The following THSD7B variants were observed in gnomAD, a reference collection of about 807,000 sequenced individuals.
THSD7B encodes the protein thrombospondin type 1 domain containing 7B.
A neutral mutation model predicts 213.6 loss-of-function variants in THSD7B; 138 were observed. That is an observed-to-expected ratio of 0.65 (90% confidence interval 0.56 to 0.74). The LOEUF is 0.74. THSD7B is among the 30% of genes least tolerant of loss of function. The pLI, the probability that THSD7B is intolerant of heterozygous loss-of-function variation, is 0.00. For missense variants in THSD7B, 1,931 were observed against 1,991.5 expected (o/e 0.97, Z 0.58); for synonymous variants, 742 against 687.0 (o/e 1.08, Z -1.25).
chr2:136,804,880 C>A (rs1682255951), intron 1 of THSD7B, among the ~76,000 whole-genome samples: 1 of 152,064 alleles, frequency 6.6e-6, no homozygotes, highest in Admixed American at 6.6e-5. Context: ...GCAGGTCAGC[C>A]CATTCTATAT....
chr2:136,956,926 C>T (rs1685136364), intron 2 of THSD7B, among the ~76,000 whole-genome samples: 1 of 152,128 alleles, frequency 6.6e-6, no homozygotes, highest in African/African-American at 2.4e-5. Flanking sequence ...GATCTGCCTG[C>T]CTCAGCCTCC....
intron 3 of THSD7B, among the ~76,000 whole-genome samples, chr2:137,089,383 AGT>A (rs944115793): frequency 6.3e-5 from 7 of 111,006 alleles, no homozygotes; most frequent in African/African-American, 3.0e-4. Flanking sequence ...TATATATACT[AGT>A]GTGTATATGT....
intron 3 of THSD7B, among the ~76,000 whole-genome samples, chr2:137,083,182 A>G (rs1047636748): frequency 3.3e-5 from 5 of 152,118 alleles, no homozygotes; most frequent in African/African-American, 1.2e-4. Flanking sequence ...TATGTAACTC[A>G]AGCAGCGTCT....
Position 136,882,267 on chromosome 2 carries a change from A to C in THSD7B, c.89A>C (p.His30Pro). Residue 30 changes from histidine to proline, a missense_variant, in exon 2 of 28, where the codon CAT becomes CCT. Coordinates refer to ENST00000409968, the MANE Select transcript of THSD7B (RefSeq NM_001316349.2). ...CTATTGCTTTCTCTCTTGCTGTCCC[A>C]TGCAGCTCATTTGGAAGGCAAAAAG... Reference protein sequence around the residue: ...LFLLLSLLLSHAAHLEGKKDN... With the variant: ...LFLLLSLLLSPAAHLEGKKDN... 2.6e-6 allele frequency: 4 copies of C among 1,545,178 alleles called. No individual in the cohort carries two copies. Among genetic ancestry groups the C allele is most frequent in the Non-Finnish European group, 3.5e-6 (4 of 1,144,678 alleles).
At chr2:137,012,451 A>G (rs1573766357) in intron 2 of THSD7B, among the ~76,000 whole-genome samples, 1 of 152,348 alleles carries the variant, frequency 6.6e-6, no homozygotes, top group Non-Finnish European at 1.5e-5. Flanking sequence ...GATGCATCTA[A>G]TCACGTAAAT....
intron 10 of THSD7B, among the ~76,000 whole-genome samples, chr2:137,249,288 T>G (rs567572511): frequency 6.6e-6 from 1 of 152,174 alleles, no homozygotes; most frequent in South Asian, 2.1e-4. Flanking sequence ...CCTGTCTTTA[T>G]TAAAACCCCG....
In THSD7B at chr2:137,482,721, T is replaced by A. The variant is rs560203624; in HGVS notation, c.3138+31698T>A. Among the ~76,000 whole-genome samples the A allele has an allele frequency of 1.2e-4, 18 of 152,242 alleles. No individual in the cohort carries two copies. In the South Asian group the frequency reaches 3.7e-3, roughly 32 times the overall value. On this transcript the variant is annotated intron_variant, in intron 15 of 27. Coordinates refer to ENST00000409968, the MANE Select transcript of THSD7B (RefSeq NM_001316349.2). Reference sequence around the variant, plus strand: ...TCCCTTGGAGCCACCATTTAGGGTTTATTGTTAGTATTGCTTTTCCTTTTT... The same window carrying A: ...TCCCTTGGAGCCACCATTTAGGGTTAATTGTTAGTATTGCTTTTCCTTTTT...
rs186445474 is a variant in THSD7B at position 136,797,205 on chromosome 2, A to T, written c.-36+31518A>T. ...GAACAAGTTATTGAGAGTGGGTGAG[A>T]AATTATCATAATTATTCAAGTTTCT... On this transcript the variant is annotated intron_variant, in intron 1 of 27. Coordinates refer to ENST00000409968, the MANE Select transcript of THSD7B (RefSeq NM_001316349.2). Among the ~76,000 whole-genome samples, 519 of 152,050 alleles carry T rather than the reference A, an allele frequency of 3.4e-3. 13 individuals are homozygous for T. The highest frequency in any genetic ancestry group is 0.031 in the Admixed American group (472 of 15,238).
At chr2:137,209,676 A>G (rs1393617768) in intron 7 of THSD7B, among the ~76,000 whole-genome samples, 2 of 152,100 alleles carry the variant, frequency 1.3e-5, no homozygotes, top group Admixed American at 1.3e-4. Context: ...CAATTTATTT[A>G]TTTACATGCA....
intron 1 of THSD7B, among the ~76,000 whole-genome samples, chr2:136,834,928 C>A (rs1244161774): frequency 6.6e-6 from 1 of 152,142 alleles, no homozygotes; most frequent in African/African-American, 2.4e-5. Flanking sequence ...TGTAAATGTT[C>A]AAATGTCCCC....
chr2:137,048,653 A>T (rs1319279819), intron 2 of THSD7B, among the ~76,000 whole-genome samples: 1 of 152,206 alleles, frequency 6.6e-6, no homozygotes, highest in African/African-American at 2.4e-5. Flanking sequence ...TAAAGCTTGT[A>T]TGCATAGTCC....
intron 12 of THSD7B, among the ~76,000 whole-genome samples, chr2:137,315,149 A>C (rs1684055440): frequency 6.6e-6 from 1 of 152,174 alleles, no homozygotes; most frequent in Non-Finnish European, 1.5e-5. Context: ...CTGTGCTAGC[A>C]ATCAGCGAGA....
At chr2:136,825,718 A>ATTTTTTTTTGTTTTGTTTTTTT (rs1682635072) in intron 1 of THSD7B, among the ~76,000 whole-genome samples, 1 of 116,896 alleles carries the variant, frequency 8.6e-6, no homozygotes, top group Non-Finnish European at 1.7e-5. Context: ...TGCCTGGCTA[A>ATTTTTTTTTGTTTTGTTTTTTT]TTTTTTTTTT....
intron 2 of THSD7B, among the ~76,000 whole-genome samples, chr2:136,883,530 G>A (rs917685764): frequency 1.3e-5 from 2 of 151,882 alleles, no homozygotes; most frequent in Non-Finnish European, 2.9e-5. Context: ...CTGGGAATGG[G>A]GTTATTTTGT....
At chr2:137,393,937 T>A (rs1426271239) in intron 12 of THSD7B, among the ~76,000 whole-genome samples, 1 of 139,150 alleles carries the variant, frequency 7.2e-6, no homozygotes, top group Non-Finnish European at 1.6e-5. Flanking sequence ...TTTCATATGT[T>A]TTTTGGCTGC....
At chr2:137,266,896 T>C (rs1682603793) in intron 10 of THSD7B, among the ~76,000 whole-genome samples, 1 of 152,186 alleles carries the variant, frequency 6.6e-6, no homozygotes, top group Non-Finnish European at 1.5e-5. Context: ...GTCAGTTCTT[T>C]ATTGTAGCTC....
chr2:137,056,329 T>G, intron 2 of THSD7B, 91 bp from the exon 3 acceptor site: 1 of 1,293,768 alleles, frequency 7.7e-7, no homozygotes, highest in Non-Finnish European at 1.0e-6. Flanking sequence ...ATACTGCTTG[T>G]GTTGGAAAGT....
intron 17 of THSD7B, among the ~76,000 whole-genome samples, chr2:137,587,929 C>T (rs1224761245): frequency 1.3e-5 from 2 of 152,194 alleles, no homozygotes; most frequent in Admixed American, 6.5e-5. Context: ...GCCCTGCCCC[C>T]AGAGGTGGAG....
intron 1 of THSD7B, among the ~76,000 whole-genome samples, chr2:136,780,153 C>T (rs1211482123): frequency 6.6e-6 from 1 of 152,118 alleles, no homozygotes; most frequent in Non-Finnish European, 1.5e-5. Context: ...ATAATTTACT[C>T]TCTCACAGTT....
Sources: allele counts gnomAD v4.1 joint callset (sites outside exome capture counted in the v4.1 genomes callset), GRCh38; gene constraint gnomAD v4.1.1; transcripts MANE v1.5; gene names NCBI Gene and HGNC (gene_info 2026-07-23, HGNC 2026-07-21).